The following PIAS2 variants were observed in gnomAD, a reference collection of about 807,000 sequenced individuals.
The protein encoded by PIAS2 is protein inhibitor of activated STAT 2, also known as E3 SUMO-protein ligase PIAS2.
In PIAS2, 19 loss-of-function variants were observed where a neutral mutation model predicts 69.7. That is an observed-to-expected ratio of 0.27 (90% CI 0.19 to 0.40). The LOEUF is 0.40. Ranked by LOEUF, PIAS2 falls within the 10% of genes least tolerant of loss-of-function variation. PIAS2 has a pLI of 1.00. For missense variants in PIAS2, 624 were observed against 757.0 expected, an observed-to-expected ratio of 0.82 and a Z score of 2.06; for synonymous variants, 261 against 263.2, an observed-to-expected ratio of 0.99 and a Z score of 0.08.
At chr18:46,902,138 G>A (rs1008527877) in intron 1 of PIAS2, among the ~76,000 whole-genome samples, 24 of 148,998 alleles carry the variant, frequency 1.6e-4, no homozygotes, top group African/African-American at 6.0e-4. Context: ...GTGAAAACAA[G>A]TTAAAAACAT....
At chr18:46,826,978 CA>C (rs766387786) in intron 11 of PIAS2, 1 of 152,006 alleles carries the variant, frequency 6.6e-6, no homozygotes, top group Non-Finnish European at 1.5e-5. Context: ...GAATAAACTA[CA>C]AAAGAACATG....
chr18:46,812,315 C>T lies in PIAS2; in HGVS notation c.*118G>A. The T allele has an allele frequency of 1.6e-6, 1 of 623,528 alleles. No homozygotes were observed. The highest frequency in any genetic ancestry group is 2.7e-6 in the Non-Finnish European group (1 of 366,696). 38.6% of individuals were successfully genotyped at this position (623,528 alleles called of 1,614,324 possible). ...CCCCTCAGAAAGCAAAAGAATCCAT[C>T]TGACTTTCAATAAATACCAAATTAT... On this transcript the variant is annotated 3_prime_UTR_variant, in exon 14 of 14. Coordinates refer to ENST00000585916, the MANE Select transcript of PIAS2 (RefSeq NM_004671.5).
intron 2 of PIAS2, among the ~76,000 whole-genome samples, chr18:46,871,198 G>A (rs1264035680): frequency 6.6e-6 from 1 of 152,140 alleles, no homozygotes; most frequent in Non-Finnish European, 1.5e-5. Flanking sequence ...GCTTTTAAGA[G>A]AAGCTCAAAA....
intron 11 of PIAS2, among the ~76,000 whole-genome samples, chr18:46,825,862 CCATCTTAT>C (rs2042778326): frequency 6.6e-6 from 1 of 152,222 alleles, no homozygotes; most frequent in Non-Finnish European, 1.5e-5. Flanking sequence ...ATGACGAGAT[CCATCTTAT>C]CAATGTATTT....
At chr18:46,847,940 T>G (rs532373029) in intron 5 of PIAS2, among the ~76,000 whole-genome samples, 1 of 152,304 alleles carries the variant, frequency 6.6e-6, no homozygotes, top group African/African-American at 2.4e-5. Context: ...TATTGAAAAG[T>G]AGATACCATA....
At chr18:46,893,896 C>T (rs1171883970) in intron 1 of PIAS2, among the ~76,000 whole-genome samples, 2 of 152,122 alleles carry the variant, frequency 1.3e-5, no homozygotes, top group Admixed American at 6.6e-5. Context: ...GGAGGCAAGG[C>T]GGGTGGATCA....
chr18:46,901,247 T>C (rs1189967920), intron 1 of PIAS2: 1 of 410,744 alleles, frequency 2.4e-6, no homozygotes, highest in Non-Finnish European at 4.9e-6. Flanking sequence ...GAGAACCCCA[T>C]CTCTAAGAAA....
chr18:46,892,839 T>C (rs1448452284), intron 1 of PIAS2, among the ~76,000 whole-genome samples: 2 of 152,188 alleles, frequency 1.3e-5, no homozygotes, highest in African/African-American at 2.4e-5. Context: ...CAAAACTATC[T>C]TTTCATCTCA....
chr18:46,854,362 G>C (rs1377249470), intron 5 of PIAS2, among the ~76,000 whole-genome samples: 1 of 152,152 alleles, frequency 6.6e-6, no homozygotes, highest in Non-Finnish European at 1.5e-5. Flanking sequence ...TGTCAGCTCT[G>C]GTGAAATGAC....
chr18:46,805,801 G>A lies in PIAS2; in HGVS notation c.*6632C>T, dbSNP rs1300687459. 6.6e-6 allele frequency: 1 copy of A among 152,200 alleles called. No homozygotes were observed. Among genetic ancestry groups the A allele is most frequent in the Non-Finnish European group, 1.5e-5 (1 of 68,034 alleles). The allele number at this position is 152,200 out of a possible 1,614,324, so 9.4% of individuals were successfully genotyped here. ...CAAAAATGGATGACAAGGGAGGTTT[G>A]TACTTTTATTTAAAAGACTGCAGAA... On this transcript the variant is annotated 3_prime_UTR_variant, in exon 14 of 14. Transcript: ENST00000585916.
At chr18:46,882,579 G>A (rs960156020) in intron 2 of PIAS2, among the ~76,000 whole-genome samples, 2 of 152,134 alleles carry the variant, frequency 1.3e-5, no homozygotes, top group Non-Finnish European at 2.9e-5. Flanking sequence ...TGCAAAAGTT[G>A]TTCATAGCTG....
rs2040835016 is a variant in PIAS2 at position 46,808,825 on chromosome 18, T to TC, written c.*3607_*3608insG. 1 of 148,840 alleles carries TC rather than the reference T, an allele frequency of 6.7e-6. No homozygotes were observed. Among genetic ancestry groups the TC allele is most frequent in the African/African-American group, 2.5e-5 (1 of 40,354 alleles). The allele number at this position is 148,840 out of a possible 1,614,324, so 9.2% of individuals were successfully genotyped here. ...AAAGAATGGTCCGGCTAAGTGCTTT[T>TC]TTTTTTTTTTTTTTTTTTAAACCAA... On this transcript the variant is annotated 3_prime_UTR_variant, in exon 14 of 14. Transcript: ENST00000585916.
rs1011469676 is a variant in PIAS2, at chr18:46,807,887, T to C, written c.*4546A>G. On this transcript the variant is annotated 3_prime_UTR_variant, in exon 14 of 14. Coordinates refer to ENST00000585916, the MANE Select transcript of PIAS2 (RefSeq NM_004671.5). ...CTTCCCATACCATCTAGCTGCAGTA[T>C]AAATTAACATACCCATGTGGAAAAG... The C allele has an allele frequency of 2.6e-5, 4 of 152,186 alleles. No individual in the cohort carries two copies. The highest frequency in any genetic ancestry group is 2.6e-4 in the Admixed American group (4 of 15,278). 9.4% of individuals were successfully genotyped at this position (152,186 alleles called of 1,614,324 possible).
chr18:46,861,851 C>T (rs1599876492), intron 3 of PIAS2, among the ~76,000 whole-genome samples: 2 of 151,980 alleles, frequency 1.3e-5, no homozygotes, highest in African/African-American at 4.8e-5. Flanking sequence ...GAACAGAAGA[C>T]GTTTATTGAC....
At chr18:46,822,758 G>A (rs1312924212) in intron 11 of PIAS2, among the ~76,000 whole-genome samples, 1 of 152,168 alleles carries the variant, frequency 6.6e-6, no homozygotes, top group Non-Finnish European at 1.5e-5. Context: ...GAAGGACACA[G>A]TGGGTAAGGA....
chr18:46,862,666 TACACACATATATATACAC>T lies in PIAS2; in HGVS notation c.584+1480_584+1497del, dbSNP rs543542815. 6.5e-3 allele frequency among the ~76,000 whole-genome samples: 989 copies of T among 151,928 alleles called. 8 individuals are homozygous for T. Among genetic ancestry groups the T allele is most frequent in the Non-Finnish European group, 0.011 (746 of 67,980 alleles). ...ATATACACATATATACACATATATA[TACACACATATATATACAC>T]ACACACATATATATACACATATATG... is the stretch of plus-strand genomic sequence containing the variant. On this transcript the variant is annotated intron_variant, in intron 3 of 13. Coordinates refer to ENST00000585916, the MANE Select transcript of PIAS2 (RefSeq NM_004671.5).
At chr18:46,842,085 G>A (rs2045481089) in intron 8 of PIAS2, among the ~76,000 whole-genome samples, 1 of 152,038 alleles carries the variant, frequency 6.6e-6, no homozygotes, top group African/African-American at 2.4e-5. Flanking sequence ...AATTAGCCAG[G>A]TGTGGTGGCG....
chr18:46,892,496 G>C (rs2054214960), intron 1 of PIAS2, among the ~76,000 whole-genome samples: 1 of 149,270 alleles, frequency 6.7e-6, no homozygotes, highest in Non-Finnish European at 1.5e-5. Flanking sequence ...ATTTAGGCCA[G>C]GAACAGTGGC....
chr18:46,851,287 A>G (rs1028109921), intron 5 of PIAS2, among the ~76,000 whole-genome samples: 4 of 152,244 alleles, frequency 2.6e-5, no homozygotes, highest in Admixed American at 1.3e-4. Context: ...ATTACAGCAC[A>G]TATCCTCTCT....
Sources: allele counts gnomAD v4.1 joint callset (sites outside exome capture counted in the v4.1 genomes callset), GRCh38; gene constraint gnomAD v4.1.1; transcripts MANE v1.5; gene names NCBI Gene and HGNC (gene_info 2026-07-23, HGNC 2026-07-21).